Variants in CA13 observed in about 807,000 individuals in gnomAD.
CA13 encodes CA-XIII.
Under a neutral mutation model 31.5 loss-of-function variants are expected in CA13, and 21 were observed. The observed-to-expected ratio is 0.67, with a 90% CI of 0.47 to 0.96. The LOEUF (loss-of-function observed/expected upper bound fraction) is 0.96. Ranked by LOEUF, CA13 falls within the 40% of genes least tolerant of loss-of-function variation. The pLI, the probability that CA13 is intolerant of heterozygous loss-of-function variation, is 0.00. For synonymous variants in CA13, 117 were observed against 111.4 expected (o/e 1.05, Z -0.32); for missense variants, 315 against 318.9 (o/e 0.99, Z 0.09).
At chr8:85,252,199 A>G (rs374346178) in intron 2 of CA13, among the ~76,000 whole-genome samples, 13 of 152,178 alleles carry the variant, frequency 8.5e-5, no homozygotes, top group African/African-American at 2.7e-4. Context: ...CAAGGCTGCA[A>G]TGAGCCATGA....
intron 2 of CA13, among the ~76,000 whole-genome samples, chr8:85,257,941 A>G (rs1180596152): frequency 1.3e-5 from 2 of 148,678 alleles, no homozygotes; most frequent in African/African-American, 2.4e-5. Flanking sequence ...CAAAAAATAT[A>G]TATATAATAT....
At chr8:85,276,742 A>G (rs12679400) in intron 6 of CA13, among the ~76,000 whole-genome samples, 92,584 of 150,408 alleles carry the variant, frequency 0.62, 28,945 homozygotes, top group Non-Finnish European at 0.65. Context: ...AAGGTTTGTA[A>G]ACACACCAAT....
intron 6 of CA13, among the ~76,000 whole-genome samples, chr8:85,280,831 T>C (rs970642063): frequency 3.4e-4 from 52 of 152,198 alleles, no homozygotes; most frequent in Non-Finnish European, 8.8e-5. Context: ...GGATATATAC[T>C]AAGTGAAAAA....
chr8:85,268,677 CTTTT>C (rs10712447), intron 6 of CA13, 50 bp downstream of exon 6: 2,527 of 968,564 alleles, frequency 2.6e-3, no homozygotes, highest in South Asian at 5.0e-3. Context: ...GGAAACTGGG[CTTTT>C]TTTTTTTTTT....
rs199951215 is a variant in CA13, at chr8:85,268,485, G to A, written c.527G>A (p.Arg176Gln). Reference sequence around the variant, plus strand: ...TTGATCCTCCAGGGTAAACAAACTCGATTCACAAATTTTGACCTATTGTCT... The same window carrying A: ...TTGATCCTCCAGGGTAAACAAACTCAATTCACAAATTTTGACCTATTGTCT... ...DSIKEKGKQTRFTNFDLLSLL... is the reference protein window; with the variant it reads ...DSIKEKGKQTQFTNFDLLSLL... Residue 176 changes from arginine to glutamine, a missense_variant, in exon 6 of 7, where the codon CGA (arginine) becomes CAA (glutamine). By Grantham distance (43) the Arg-to-Gln change is conservative. Transcript: ENST00000321764. The A allele has an allele frequency of 1.1e-4, 183 of 1,613,850 alleles. 2 individuals are homozygous for A. The East Asian group carries it at 3.8e-3, about 34-fold the overall frequency.
intron 1 of CA13, 87 bp downstream of exon 1, chr8:85,245,952 T>A: frequency 6.8e-7 from 1 of 1,472,312 alleles, no homozygotes; most frequent in Non-Finnish European, 9.5e-7. Context: ...GACCACACAC[T>A]GGGCTCGCAC....
chr8:85,280,069 C>G (rs1807678002), intron 6 of CA13, among the ~76,000 whole-genome samples: 1 of 152,100 alleles, frequency 6.6e-6, no homozygotes, highest in Non-Finnish European at 1.5e-5. Context: ...ATCATGAGGT[C>G]AAGAGATCAA....
intron 6 of CA13, among the ~76,000 whole-genome samples, chr8:85,277,315 G>A (rs1040485408): frequency 6.6e-6 from 1 of 152,044 alleles, no homozygotes; most frequent in Non-Finnish European, 1.5e-5. Flanking sequence ...CCACCGGGAG[G>A]AGCGAACAAC....
intron 3 of CA13, among the ~76,000 whole-genome samples, chr8:85,261,481 C>T (rs1026521603): frequency 2.3e-4 from 35 of 151,952 alleles, no homozygotes; most frequent in East Asian, 7.7e-4. Context: ...GGCTAGAATG[C>T]GATGGTGCGA....
chr8:85,254,444 C>T (rs964979330), intron 2 of CA13, among the ~76,000 whole-genome samples: 1 of 152,134 alleles, frequency 6.6e-6, no homozygotes, highest in Non-Finnish European at 1.5e-5. Flanking sequence ...CTCTCTCTCT[C>T]TCTTCTGTTT....
At chr8:85,254,386 T>C (rs1398295322) in intron 2 of CA13, among the ~76,000 whole-genome samples, 1 of 152,164 alleles carries the variant, frequency 6.6e-6, no homozygotes. Context: ...TAGACATTCA[T>C]AGTGTAAAAA....
intron 2 of CA13, among the ~76,000 whole-genome samples, chr8:85,252,308 T>C (rs1478517394): frequency 2.0e-5 from 3 of 152,140 alleles, no homozygotes; most frequent in African/African-American, 7.2e-5. Flanking sequence ...GTATTAGCTA[T>C]GCTTGTATCG....
At chr8:85,253,648 G>T (rs1807233882) in intron 2 of CA13, among the ~76,000 whole-genome samples, 1 of 152,150 alleles carries the variant, frequency 6.6e-6, no homozygotes, top group Non-Finnish European at 1.5e-5. Flanking sequence ...CAAGTAAGGA[G>T]GGACCTGGCC....
chr8:85,265,874 G>A (rs1208498998), intron 3 of CA13, among the ~76,000 whole-genome samples: 1 of 152,174 alleles, frequency 6.6e-6, no homozygotes, highest in East Asian at 1.9e-4. Context: ...CTCATAAGGA[G>A]ACTTTGTGTT....
At chr8:85,253,213 G>A in intron 2 of CA13, among the ~76,000 whole-genome samples, 1 of 152,058 alleles carries the variant, frequency 6.6e-6, no homozygotes, top group Non-Finnish European at 1.5e-5. Context: ...CCAAAGTGCT[G>A]GGATTACAGG....
Position 85,245,864 on chromosome 8 carries a change from C to G in CA13, c.36C>G (p.Asn12Lys). 1 of 1,614,162 alleles carries G rather than the reference C, an allele frequency of 6.2e-7. No homozygotes were observed. Among genetic ancestry groups the G allele is most frequent in the Non-Finnish European group, 8.5e-7 (1 of 1,180,018 alleles). The change falls in exon 1 of 7, where the codon AAC becomes AAG. Residue 12 changes from asparagine to lysine, a missense_variant and splice_region_variant. Coordinates refer to ENST00000321764, the MANE Select transcript of CA13 (RefSeq NM_198584.3). Reference sequence around the variant, plus strand: ...TCAGCTGGGGATACCGCGAGCACAACGGTGAGCGCCTTTTCCTGATCCAAG... The same window carrying G: ...TCAGCTGGGGATACCGCGAGCACAAGGGTGAGCGCCTTTTCCTGATCCAAG... The part of the protein sequence containing the change: ...SRLSWGYREH[N>K]GPIHWKEFFP...
chr8:85,274,969 G>C (rs1807581849), intron 6 of CA13, among the ~76,000 whole-genome samples: 1 of 152,146 alleles, frequency 6.6e-6, no homozygotes, highest in South Asian at 2.1e-4. Context: ...ATTGTGCCTA[G>C]GAAGCAAGTA....
Position 85,266,621 on chromosome 8 carries a change from A to C in CA13, c.368A>C (p.His123Pro). Reference protein sequence around the residue: ...VSYAAELHVVHWNSDKYPSFV... With the variant: ...VSYAAELHVVPWNSDKYPSFV... ...TCTCCCTTTCAGCTCCATGTTGTTC[A>C]CTGGAATTCAGACAAATACCCCAGC... Residue 123 changes from histidine (H) to proline (P), a missense_variant, in exon 4 of 7, where the codon CAC becomes CCC. His to Pro is a moderately conservative substitution (Grantham distance 77). Transcript: ENST00000321764. 2.5e-6 allele frequency: 4 copies of C among 1,613,608 alleles called. No individual in the cohort carries two copies. Among genetic ancestry groups the C allele is most frequent in the Non-Finnish European group, 3.4e-6 (4 of 1,179,608 alleles).
At chr8:85,249,729 G>A in intron 1 of CA13, 1 of 308,346 alleles carries the variant, frequency 3.2e-6, no homozygotes, top group Non-Finnish European at 6.5e-6. Flanking sequence ...CCCAGTGTAG[G>A]TGGTGATAGC....
Sources: gnomAD v4.1 joint callset for allele counts (sites outside exome capture counted in the v4.1 genomes callset) on GRCh38, gnomAD v4.1.1 for gene constraint, MANE v1.5 for transcripts, NCBI Gene and HGNC (gene_info 2026-07-23, HGNC 2026-07-21) for gene names.